RYR1: variants seen among roughly 807,000 people sequenced by gnomAD.
RYR1 encodes central core disease of muscle.
Under a neutral mutation model 583.5 loss-of-function variants are expected in RYR1, and 342 were observed. That is an observed-to-expected ratio of 0.59 (90% CI 0.54 to 0.64). The LOEUF is 0.64. Ranked by LOEUF, RYR1 falls within the 30% of genes least tolerant of loss-of-function variation. RYR1 has a pLI of 0.00. For missense variants in RYR1, 6,032 were observed against 6,917.2 expected (o/e 0.87, Z 4.54); for synonymous variants, 2,791 against 2,822.5 (o/e 0.99, Z 0.35).
intron 101 of RYR1, among the ~76,000 whole-genome samples, chr19:38,584,241 G>A (rs1445981210): frequency 9.8e-6 from 1 of 101,964 alleles, no homozygotes; most frequent in Admixed American, 1.1e-4. Flanking sequence ...TCCCATCCTC[G>A]CCCTCACCCT....
chr19:38,586,418 C>G, intron 104 of RYR1, 107 bp from the exon 105 acceptor site: 4 of 1,255,742 alleles, frequency 3.2e-6, no homozygotes, highest in South Asian at 1.2e-5. Context: ...GCCAGGAGTT[C>G]GAGACCAGCT....
chr19:38,445,078 G>A (rs1424502984), intron 7 of RYR1, among the ~76,000 whole-genome samples: 1 of 151,594 alleles, frequency 6.6e-6, no homozygotes, highest in African/African-American at 2.4e-5. Flanking sequence ...CCAACATGGC[G>A]AAACCCCATC....
In RYR1 at chr19:38,504,833, C is replaced by G; in HGVS notation, c.8153C>G (p.Ser2718Ter). 1 of 1,614,120 alleles carries G rather than the reference C, an allele frequency of 6.2e-7. No individual in the cohort carries two copies. Among genetic ancestry groups the G allele is most frequent in the South Asian group, 1.1e-5 (1 of 91,074 alleles). ...CTGCCCCCCGACTATGTGGATGCCT[C>G]ATACTCATCTAAGGCAGAGAAAAAG... ...GALPPDYVDASYSSKAEKKAT... is the reference protein window; with the variant it reads ...GALPPDYVDA The change falls in exon 51 of 106, where the codon TCA becomes TGA. Residue 2718 changes from serine (S) to a stop codon, truncating the protein, a stop_gained. Coordinates refer to ENST00000359596, the MANE Select transcript of RYR1 (RefSeq NM_000540.3). LOFTEE classifies it high-confidence loss of function.
At chr19:38,521,620 C>T (rs576192136) in intron 67 of RYR1, among the ~76,000 whole-genome samples, 15 of 151,556 alleles carry the variant, frequency 9.9e-5, no homozygotes, top group African/African-American at 3.6e-4. Flanking sequence ...CACTTGGAAC[C>T]TGGGAGGCAG....
Position 38,568,020 on chromosome 19 carries a change from C to G in RYR1, c.13659+103C>G, listed in dbSNP as rs1333065321. On this transcript the variant is annotated intron_variant, in intron 93 of 105. Coordinates refer to ENST00000359596, the MANE Select transcript of RYR1 (RefSeq NM_000540.3). ...TTGTTCTTGAGTTCATCTGTTCAAG[C>G]TCGTCTCTAAGAAGAACCCTAGCTG... 3.9e-5 allele frequency: 54 copies of G among 1,376,352 alleles called. No individual in the cohort carries two copies. The East Asian group carries it at 1.3e-3, about 32-fold the overall frequency. The allele number at this position is 1,376,352 out of a possible 1,614,324, so 85.3% of individuals were successfully genotyped here. A position where few individuals can be genotyped will look rare whatever the true frequency, so the allele number is the denominator to read the frequency against.
chr19:38,502,893 T>C lies in RYR1; in HGVS notation c.7849T>C (p.Ser2617Pro). 6.2e-7 allele frequency: 1 copy of C among 1,611,412 alleles called. No individual in the cohort carries two copies. The highest frequency in any genetic ancestry group is 2.2e-5 in the East Asian group (1 of 44,858). The change falls in exon 49 of 106, where the codon TCG becomes CCG. Residue 2617 changes from serine (S) to proline (P), a missense_variant. By Grantham distance (74) the Ser-to-Pro change is moderately conservative. Around this residue, in one of 11 missense-constraint regions of RYR1, gnomAD observed 250 missense variants for 162.3 expected, o/e 1.54. Coordinates refer to ENST00000359596, the MANE Select transcript of RYR1 (RefSeq NM_000540.3). ...ATTGTCCCGCAGGTACATCCGCCCG[T>C]CGATGCTGCAGCACCTGTTGCGCCG... Reference protein sequence around the residue: ...LMSLCRYIRPSMLQHLLRRLV... With the variant: ...LMSLCRYIRPPMLQHLLRRLV...
chr19:38,477,913 G>A (rs1489788731), intron 30 of RYR1, 43 bp downstream of exon 30: 2 of 1,549,526 alleles, frequency 1.3e-6, no homozygotes, highest in Non-Finnish European at 1.8e-6. Context: ...GGTGGGGAGG[G>A]CAGGAGGCAG....
In RYR1 at chr19:38,585,985, G is replaced by A. The variant is rs1974468078; in HGVS notation, c.14851G>A (p.Val4951Met). ...FGELRDQQEQ[V>M]KEDMETKCFI... ...TGAGCTCCGAGACCAACAAGAGCAA[G>A]TGAAGGAGGATATGGAGGTAGGTCA... The change falls in exon 103 of 106, where the codon GTG becomes ATG. Residue 4951 changes from valine (V) to methionine (M), a missense_variant. Coordinates refer to ENST00000359596, the MANE Select transcript of RYR1 (RefSeq NM_000540.3). The A allele has an allele frequency of 1.2e-6, 2 of 1,613,986 alleles. No individual in the cohort carries two copies. Among genetic ancestry groups the A allele is most frequent in the Admixed American group, 1.7e-5 (1 of 59,968 alleles).
rs1053579438 is a variant in RYR1 at position 38,510,762 on chromosome 19, G to C, written c.9103G>C (p.Glu3035Gln). Reference protein sequence around the residue: ...LGSGGHASNKEKEMITSLFCK... With the variant: ...LGSGGHASNKQKEMITSLFCK... ...CAGCGGTGGCCACGCCTCTAACAAG[G>C]AGAAGGAAATGATCACCAGGTGGGC... Residue 3035 changes from glutamate to glutamine, a missense_variant, in exon 60 of 106, where the codon GAG (glutamate) becomes CAG (glutamine). Physicochemically the swap from Glu to Gln is conservative, Grantham distance 29. Transcript: ENST00000359596. The C allele has an allele frequency of 3.7e-6, 6 of 1,614,194 alleles. No homozygotes were observed. Among genetic ancestry groups the C allele is most frequent in the Non-Finnish European group, 5.1e-6 (6 of 1,180,046 alleles).
At chr19:38,581,093 C>T (rs1974183886) in intron 101 of RYR1, among the ~76,000 whole-genome samples, 1 of 146,230 alleles carries the variant, frequency 6.8e-6, no homozygotes, top group Non-Finnish European at 1.5e-5. Context: ...TTCTTTCTTT[C>T]TTTTTTTTTT....
At position 38,506,283 on chromosome 19, in the gene RYR1, T is replaced by G; in HGVS notation, c.8542-20T>G. 6.2e-7 allele frequency: 1 copy of G among 1,613,486 alleles called. No homozygotes were observed. The highest frequency in any genetic ancestry group is 1.1e-5 in the South Asian group (1 of 91,070). ...TGCTAGCCCATCAGCCCACCTCCCATCTTCCCCTTGTCCTCTCAGACCTAT... is the reference window on the plus strand; with the variant it reads ...TGCTAGCCCATCAGCCCACCTCCCAGCTTCCCCTTGTCCTCTCAGACCTAT... On this transcript the variant is annotated intron_variant, in intron 54 of 105. Transcript: ENST00000359596.
chr19:38,581,207 A>G (rs1568606329), intron 101 of RYR1, among the ~76,000 whole-genome samples: 4 of 151,878 alleles, frequency 2.6e-5, no homozygotes, highest in Non-Finnish European at 4.4e-5. Flanking sequence ...CCTCCCGAGT[A>G]GCTGGGACAA....
Position 38,529,007 on chromosome 19 carries a change from C to A in RYR1, c.11091C>A (p.Pro3697=), listed in dbSNP as rs201296563. 2.5e-6 allele frequency: 4 copies of A among 1,613,926 alleles called. No individual in the cohort carries two copies. In the Admixed American group the frequency reaches 6.7e-5, roughly 27 times the overall value. ...EEEVEEKKPD[P]LHQLVLHFSR... ...AGGTGGAAGAGAAGAAGCCAGACCC[C>A]CTGCACCAGTTGGTCCTGCACTTCA... The change falls in exon 76 of 106, where the codon CCC becomes CCA. Residue 3697 remains proline (P), a synonymous_variant. Coordinates refer to ENST00000359596, the MANE Select transcript of RYR1 (RefSeq NM_000540.3).
At chr19:38,506,721 ATCT>A in intron 56 of RYR1, 105 bp from the exon 57 acceptor site, 1 of 1,532,036 alleles carries the variant, frequency 6.5e-7, no homozygotes, top group East Asian at 2.3e-5. Flanking sequence ...CGTTATTCGT[ATCT>A]TCTTTATCAC....
rs532699431 is a variant in RYR1, at chr19:38,494,353, G to A, written c.6276G>A (p.Arg2092=). ...AGCCTTGCATTGTCTCCTTCCCAGGGTCCCTGCAGGAGCTGGTGTCCCACA... is the reference window on the plus strand; with the variant it reads ...AGCCTTGCATTGTCTCCTTCCCAGGATCCCTGCAGGAGCTGGTGTCCCACA... The part of the protein sequence containing the change: ...EERSAEESKP[R]SLQELVSHMV... Residue 2092 remains arginine, a splice_region_variant and synonymous_variant, in exon 39 of 106, where the codon CGG becomes CGA. Coordinates refer to ENST00000359596, the MANE Select transcript of RYR1 (RefSeq NM_000540.3). 7 of 1,611,366 alleles carry A rather than the reference G, an allele frequency of 4.3e-6. No homozygotes were observed. The African/African-American group carries it at 8.0e-5, about 18-fold the overall frequency.
chr19:38,559,447 T>C (rs542710870), intron 89 of RYR1, among the ~76,000 whole-genome samples: 8 of 152,108 alleles, frequency 5.3e-5, no homozygotes, highest in Admixed American at 2.6e-4. Context: ...TTGTCCAGGC[T>C]GGTCTCGAAC....
chr19:38,529,955 G>A (rs966872820), intron 76 of RYR1, among the ~76,000 whole-genome samples: 2 of 152,022 alleles, frequency 1.3e-5, no homozygotes, highest in African/African-American at 4.8e-5. Context: ...AAGGCACAGG[G>A]ATTTATTTTT....
chr19:38,569,859 G>T (rs1973633485), intron 93 of RYR1, among the ~76,000 whole-genome samples: 2 of 152,172 alleles, frequency 1.3e-5, no homozygotes, highest in Admixed American at 1.3e-4. Context: ...GTATAAGCAA[G>T]CACTCAACAA....
In RYR1 at chr19:38,494,407, C is replaced by T. The variant is rs990514054; in HGVS notation, c.6330C>T (p.Phe2110=). The change falls in exon 39 of 106, where the codon TTC becomes TTT. Residue 2110 remains phenylalanine (F), a synonymous_variant. Coordinates refer to ENST00000359596, the MANE Select transcript of RYR1 (RefSeq NM_000540.3). ...TGGTGCGCTGGGCCCAAGAGGACTT[C>T]GTGCAGAGCCCCGAGCTGGTGCGGG... is the stretch of plus-strand genomic sequence containing the variant. The part of the protein sequence containing the change: ...HMVVRWAQED[F]VQSPELVRAM... 1.5e-5 allele frequency: 24 copies of T among 1,611,870 alleles called. No individual in the cohort carries two copies. The highest frequency in any genetic ancestry group is 4.3e-4 in the Middle Eastern group (2 of 4,612).
Sources: allele counts gnomAD v4.1 joint callset (sites outside exome capture counted in the v4.1 genomes callset), GRCh38; gene constraint gnomAD v4.1.1; regional missense constraint gnomAD v4.1.1; transcripts MANE v1.5; gene names NCBI Gene and HGNC (gene_info 2026-07-23, HGNC 2026-07-21).